Variants in XPO7 observed in about 807,000 individuals in gnomAD.
XPO7 encodes the protein exportin-7.
In XPO7, 21 loss-of-function variants were observed where a neutral mutation model predicts 144.3. The observed-to-expected ratio is 0.15, with a 90% CI of 0.10 to 0.21. The LOEUF is 0.21. XPO7 is among the 10% of genes least tolerant of loss of function. The probability of loss-of-function intolerance (pLI) is 1.00; values close to 1 mark genes in which losing one functional copy is unlikely to be tolerated. For synonymous variants in XPO7, 580 were observed against 499.6 expected (o/e 1.16, Z -2.15); for missense variants, 808 against 1,325.8 (o/e 0.61, Z 6.06).
chr8:21,919,886 G>T (rs1810208806), intron 1 of XPO7, 98 bp downstream of exon 1: 1 of 295,378 alleles, frequency 3.4e-6, no homozygotes. Flanking sequence ...CTCGGGACTC[G>T]GCAGGCCCGC....
At chr8:21,954,406 C>G (rs1811469013) in intron 1 of XPO7, among the ~76,000 whole-genome samples, 1 of 152,184 alleles carries the variant, frequency 6.6e-6, no homozygotes, top group African/African-American at 2.4e-5. Context: ...GAAGCCAAGA[C>G]AGGCGGATCA....
At chr8:21,984,444 A>G (rs1039580914) in intron 11 of XPO7, among the ~76,000 whole-genome samples, 1 of 152,230 alleles carries the variant, frequency 6.6e-6, no homozygotes, top group African/African-American at 2.4e-5. Context: ...CAAGCAGAAT[A>G]TACCTAAGGG....
chr8:21,932,984 G>A (rs1353356540), intron 1 of XPO7, among the ~76,000 whole-genome samples: 1 of 152,058 alleles, frequency 6.6e-6, no homozygotes, highest in Non-Finnish European at 1.5e-5. Flanking sequence ...TACGGGCAAG[G>A]AAATATTCAT....
At chr8:21,960,202 A>G (rs1811678584) in intron 1 of XPO7, among the ~76,000 whole-genome samples, 1 of 152,236 alleles carries the variant, frequency 6.6e-6, no homozygotes, top group Non-Finnish European at 1.5e-5. Context: ...AGGAAGCTGG[A>G]AAACCAGATA....
chr8:21,989,194 A>G (rs1301501611), intron 16 of XPO7, 111 bp downstream of exon 16: 7 of 981,934 alleles, frequency 7.1e-6, no homozygotes, highest in Non-Finnish European at 1.0e-5. Context: ...GTGTACTCAC[A>G]TATCTTCCAT....
intron 3 of XPO7, 134 bp downstream of exon 3, chr8:21,969,710 C>A: frequency 1.1e-6 from 1 of 925,148 alleles, no homozygotes; most frequent in Non-Finnish European, 1.6e-6. Flanking sequence ...GAATCCAGTT[C>A]GTTTCCAGAA....
chr8:21,927,733 C>T (rs1306638622), intron 1 of XPO7, among the ~76,000 whole-genome samples: 4 of 151,864 alleles, frequency 2.6e-5, no homozygotes, highest in Admixed American at 6.6e-5. Flanking sequence ...TTAGTAGAGA[C>T]GGAGTTTCTC....
chr8:21,950,157 A>G (rs2117287723), intron 1 of XPO7, among the ~76,000 whole-genome samples: 1 of 152,342 alleles, frequency 6.6e-6, no homozygotes, highest in Middle Eastern at 3.4e-3. Flanking sequence ...CATTTAACGT[A>G]TTGTAGTTTG....
Position 21,985,570 on chromosome 8 carries a change from C to CT in XPO7, c.1472-15dup, listed in dbSNP as rs780459892. Reference sequence around the variant, plus strand: ...ACTATCACTGGAGGTGACACTGGGTCTGTCTCCTGCTGCAGGAAGGCTGAC... The same window carrying CT: ...ACTATCACTGGAGGTGACACTGGGTCTTGTCTCCTGCTGCAGGAAGGCTGAC... On this transcript the variant is annotated splice_polypyrimidine_tract_variant and intron_variant, in intron 12 of 27. Transcript: ENST00000252512. 1.9e-6 allele frequency: 3 copies of CT among 1,610,952 alleles called. No homozygotes were observed. Among genetic ancestry groups the CT allele is most frequent in the South Asian group, 1.1e-5 (1 of 91,006 alleles).
At chr8:21,994,551 G>C in intron 20 of XPO7, 100 bp downstream of exon 20, 1 of 1,122,468 alleles carries the variant, frequency 8.9e-7, no homozygotes, top group South Asian at 1.4e-5. Context: ...GGAGGGTAGT[G>C]AGGCAGAGAA....
chr8:21,986,135 CTTTTTTT>C (rs573860240), intron 13 of XPO7, among the ~76,000 whole-genome samples: 1 of 132,274 alleles, frequency 7.6e-6, no homozygotes, highest in Non-Finnish European at 1.6e-5. Context: ...TTTATCAAAA[CTTTTTTT>C]TTTTTTTTTT....
chr8:21,943,272 A>G (rs1384165349), intron 1 of XPO7, among the ~76,000 whole-genome samples: 4 of 152,330 alleles, frequency 2.6e-5, no homozygotes, highest in African/African-American at 9.6e-5. Context: ...TTGGCACACA[A>G]TACGGCTTTC....
At chr8:21,950,097 G>A (rs1319286756) in intron 1 of XPO7, among the ~76,000 whole-genome samples, 3 of 152,178 alleles carry the variant, frequency 2.0e-5, no homozygotes, top group African/African-American at 7.2e-5. Flanking sequence ...GTTCAGTTCT[G>A]AACTTGACTG....
At chr8:21,976,664 G>GT (rs1267714177) in intron 7 of XPO7, 143 bp downstream of exon 7, 3 of 1,066,028 alleles carry the variant, frequency 2.8e-6, no homozygotes, top group African/African-American at 3.3e-5. Context: ...TTGTTTGTTT[G>GT]TTTTTTAAAG....
chr8:21,990,643 A>C, intron 17 of XPO7, 168 bp from the exon 18 acceptor site: 1 of 721,110 alleles, frequency 1.4e-6, no homozygotes, highest in South Asian at 1.9e-5. Context: ...ATAAATTAGT[A>C]GTAGTGACAA....
chr8:21,982,146 C>T (rs561285070), intron 10 of XPO7, among the ~76,000 whole-genome samples: 2 of 152,210 alleles, frequency 1.3e-5, no homozygotes, highest in African/African-American at 2.4e-5. Context: ...AAGCCAAGGT[C>T]GGAACAGGGA....
chr8:21,947,355 C>T (rs1488480049), intron 1 of XPO7, among the ~76,000 whole-genome samples: 1 of 151,788 alleles, frequency 6.6e-6, no homozygotes, highest in African/African-American at 2.4e-5. Flanking sequence ...CAAAAACAAG[C>T]AAAAACATCT....
chr8:21,988,747 A>AT, intron 15 of XPO7: 1 of 463,332 alleles, frequency 2.2e-6, no homozygotes, highest in Non-Finnish European at 3.9e-6. Flanking sequence ...GTGCCCCAGA[A>AT]TTCCAAGGGC....
intron 1 of XPO7, among the ~76,000 whole-genome samples, chr8:21,957,877 G>A (rs777867974): frequency 3.2e-4 from 48 of 151,890 alleles, no homozygotes; most frequent in South Asian, 1.5e-3. Flanking sequence ...GGTCCTTTCC[G>A]GGTTTTTTTT....
Sources: allele counts gnomAD v4.1 joint callset (sites outside exome capture counted in the v4.1 genomes callset), GRCh38; gene constraint gnomAD v4.1.1; transcripts MANE v1.5; gene names NCBI Gene and HGNC (gene_info 2026-07-23, HGNC 2026-07-21).